Variants in HAGH observed in about 807,000 individuals in gnomAD.
The protein encoded by HAGH is hydroxyacylglutathione hydrolase, mitochondrial.
A neutral mutation model predicts 35.1 loss-of-function variants in HAGH; 29 were observed. The observed-to-expected ratio is 0.83, with a 90% confidence interval of 0.62 to 1.13. The LOEUF is 1.13. HAGH is among the 50% of genes most tolerant of loss of function. HAGH has a pLI of 0.00. For synonymous variants in HAGH, 225 were observed against 176.1 expected, an observed-to-expected ratio of 1.28 and a Z score of -2.20; for missense variants, 478 against 419.6, an observed-to-expected ratio of 1.14 and a Z score of -1.22.
At chr16:1,816,128 C>T (rs1444392816) in intron 7 of HAGH, among the ~76,000 whole-genome samples, 3 of 141,946 alleles carry the variant, frequency 2.1e-5, no homozygotes, top group South Asian at 2.4e-4. Context: ...TTCTTGAACC[C>T]GGGAGGTGCT....
intron 7 of HAGH, among the ~76,000 whole-genome samples, chr16:1,815,535 A>G (rs11865665): frequency 0.092 from 14,031 of 152,234 alleles, 793 homozygotes; most frequent in African/African-American, 0.16. Flanking sequence ...ATGACGGAGC[A>G]ATGAGATTCT....
intron 7 of HAGH, among the ~76,000 whole-genome samples, chr16:1,815,267 A>G (rs1383256066): frequency 1.3e-5 from 2 of 152,222 alleles, no homozygotes; most frequent in Non-Finnish European, 2.9e-5. Context: ...AGAACAGTAC[A>G]ACCATTTTTG....
At chr16:1,822,448 AC>A in intron 2 of HAGH, 84 bp from the exon 3 acceptor site, 1 of 1,023,874 alleles carries the variant, frequency 9.8e-7, no homozygotes. Flanking sequence ...GCCCAGCAGA[AC>A]CCAGGACACG....
At position 1,822,976 on chromosome 16, in the gene HAGH, C is replaced by G. The variant is rs772083461; in HGVS notation, c.138G>C (p.Glu46Asp). ...GCAGCACCTCTACCTTCATGGTGCC[C>G]TCGTCCACGGTCAGGTTCTTCCGCA... ...TDLRKNLTVD[E>D]GTMKVEVLPA... The change falls in exon 2 of 9, where the codon GAG becomes GAC. Residue 46 changes from glutamate (E) to aspartate (D), a missense_variant. Transcript: ENST00000397356. 1.2e-6 allele frequency: 2 copies of G among 1,613,826 alleles called. No homozygotes were observed. Among genetic ancestry groups the G allele is most frequent in the Non-Finnish European group, 1.7e-6 (2 of 1,179,838 alleles).
At chr16:1,815,932 ATTTTTTTTTTTTTTTTT>A (rs61101799) in intron 7 of HAGH, among the ~76,000 whole-genome samples, 1 of 102,216 alleles carries the variant, frequency 9.8e-6, no homozygotes, top group African/African-American at 3.8e-5. Context: ...GGCAGGGAGA[ATTTTTTTTTTTTTTTTT>A]TTTTTTTTTT....
chr16:1,825,816 C>G (rs1898379334), intron 1 of HAGH, among the ~76,000 whole-genome samples: 1 of 152,248 alleles, frequency 6.6e-6, no homozygotes, highest in Admixed American at 6.5e-5. Context: ...TCAAGCGATC[C>G]TCCCGCCTCG....
At chr16:1,815,109 G>C (rs55639428) in intron 7 of HAGH, among the ~76,000 whole-genome samples, 1 of 35,950 alleles carries the variant, frequency 2.8e-5, no homozygotes, top group Non-Finnish European at 9.7e-5. Context: ...CACATGAAAA[G>C]ATGGTCACAT....
In HAGH at chr16:1,819,714, C is replaced by T. The variant is rs192744316; in HGVS notation, c.432+183G>A. 1.1e-3 allele frequency: 706 copies of T among 623,690 alleles called. 3 individuals carry two copies. Among genetic ancestry groups the T allele is most frequent in the African/African-American group, 8.7e-3 (473 of 54,562 alleles). The allele number at this position is 623,690 out of a possible 1,614,324, so 38.6% of individuals were successfully genotyped here. On this transcript the variant is annotated intron_variant, in intron 4 of 8. Coordinates refer to ENST00000397356, the MANE Select transcript of HAGH (RefSeq NM_005326.6). ...CCTGCTTCACAGCCCCGCACACAGC[C>T]GCGTTTTGCACACTCCTCTCCTTGT... is the stretch of plus-strand genomic sequence containing the variant.
At chr16:1,817,739 AGGCG>A (rs1177289198) in intron 5 of HAGH, among the ~76,000 whole-genome samples, 1 of 136,630 alleles carries the variant, frequency 7.3e-6, no homozygotes, top group East Asian at 2.5e-4. Flanking sequence ...TGGGCACCTC[AGGCG>A]CACCCAGGCT....
At chr16:1,826,581 C>G (rs1898437514) in intron 1 of HAGH, 131 bp downstream of exon 1, 27 of 981,996 alleles carry the variant, frequency 2.7e-5, no homozygotes, top group Non-Finnish European at 3.3e-5. Context: ...CCGCTCGAGC[C>G]CGGCAGCGCG....
At chr16:1,820,291 G>A (rs1175502731) in intron 3 of HAGH, among the ~76,000 whole-genome samples, 1 of 152,050 alleles carries the variant, frequency 6.6e-6, no homozygotes, top group Admixed American at 6.5e-5. Flanking sequence ...TAGGGCAGTG[G>A]GTCTGGGGCG....
intron 3 of HAGH, among the ~76,000 whole-genome samples, chr16:1,820,361 A>G (rs1025871682): frequency 3.5e-4 from 53 of 151,242 alleles, no homozygotes; most frequent in African/African-American, 1.2e-3. Context: ...CCTGGGGTGG[A>G]TTTCTTGTCC....
intron 7 of HAGH, among the ~76,000 whole-genome samples, 169 bp downstream of exon 7, chr16:1,816,724 T>C (rs970245137): frequency 6.6e-6 from 1 of 152,188 alleles, no homozygotes; most frequent in Non-Finnish European, 1.5e-5. Flanking sequence ...GGGATCTCCA[T>C]AGAACCCCTG....
At position 1,820,001 on chromosome 16, in the gene HAGH, C is replaced by T. The variant is rs772821746; in HGVS notation, c.328G>A (p.Gly110Arg). 1.9e-5 allele frequency: 31 copies of T among 1,611,228 alleles called. No homozygotes were observed. The highest frequency in any genetic ancestry group is 2.5e-5 in the Non-Finnish European group (30 of 1,178,358). The change falls in exon 4 of 9, where the codon GGG becomes AGG. Residue 110 changes from glycine (G) to arginine (R), a missense_variant. Gly to Arg is a moderately radical substitution (Grantham distance 125, BLOSUM62 -2). Transcript: ENST00000397356. The part of the protein sequence containing the change: ...TTHHHWDHAG[G>R]NEKLVKLESG... Reference sequence around the variant, plus strand: ...TCCAGCTTGACCAGTTTCTCATTCCCGCCAGCATGGTCCCTAGAAGTCAAA... The same window carrying T: ...TCCAGCTTGACCAGTTTCTCATTCCTGCCAGCATGGTCCCTAGAAGTCAAA...
chr16:1,826,755 G>T lies in HAGH; in HGVS notation c.33C>A (p.Arg11=). The T allele has an allele frequency of 8.3e-7, 1 of 1,204,482 alleles. No individual in the cohort carries two copies. Among genetic ancestry groups the T allele is most frequent in the South Asian group, 4.1e-5 (1 of 24,356 alleles). The allele number at this position is 1,204,482 out of a possible 1,614,324, so 74.6% of individuals were successfully genotyped here. A position where few individuals can be genotyped will look rare whatever the true frequency, so the allele number is the denominator to read the frequency against. The part of the protein sequence containing the change: MVVGRGLLGR[R]SLAALGAACA... Reference sequence around the variant, plus strand: ...AGGCGGCTCCCAGCGCGGCGAGGCTGCGGCGGCCGAGCAGCCCTCGGCCCA... The same window carrying T: ...AGGCGGCTCCCAGCGCGGCGAGGCTTCGGCGGCCGAGCAGCCCTCGGCCCA... The change falls in exon 1 of 9, where the codon CGC becomes CGA. Residue 11 remains arginine, a synonymous_variant. Transcript: ENST00000397356.
upstream of HAGH, chr16:1,827,096 C>T (rs1211355533): frequency 4.0e-5 from 51 of 1,282,022 alleles, no homozygotes; most frequent in Non-Finnish European, 5.2e-5. Flanking sequence ...CGCCACGCCG[C>T]CCGGGTACCC....
intron 7 of HAGH, among the ~76,000 whole-genome samples, chr16:1,816,629 A>G (rs1207182897): frequency 6.6e-6 from 1 of 152,086 alleles, no homozygotes; most frequent in Non-Finnish European, 1.5e-5. Context: ...TGCCAGCCTG[A>G]CCCTACTGCT....
upstream of HAGH, chr16:1,827,167 C>G: frequency 6.5e-7 from 1 of 1,538,110 alleles, no homozygotes; most frequent in Admixed American, 1.9e-5. Context: ...GGCAGTTGGT[C>G]CTCTCCGGGA....
chr16:1,821,229 A>T (rs2268671), intron 3 of HAGH, among the ~76,000 whole-genome samples: 36,166 of 152,084 alleles, frequency 0.24, 4,376 homozygotes, highest in South Asian at 0.36. Flanking sequence ...AAGAGGCTCG[A>T]GGGGCCCAAC....
Sources: gnomAD v4.1 joint callset for allele counts (sites outside exome capture counted in the v4.1 genomes callset) on GRCh38, gnomAD v4.1.1 for gene constraint, MANE v1.5 for transcripts, NCBI Gene and HGNC (gene_info 2026-07-23, HGNC 2026-07-21) for gene names.